Variants in LRRC36 observed in about 807,000 individuals in gnomAD.
LRRC36 encodes the protein leucine rich repeat containing 36.
Under a neutral mutation model 81.1 loss-of-function variants are expected in LRRC36, and 62 were observed. The observed-to-expected ratio is 0.76, with a 90% CI of 0.62 to 0.94. The LOEUF is 0.94. Ranked by LOEUF, LRRC36 falls within the 40% of genes least tolerant of loss-of-function variation. The pLI, the probability that LRRC36 is intolerant of heterozygous loss-of-function variation, is 0.00. For synonymous variants in LRRC36, 334 were observed against 348.6 expected, an observed-to-expected ratio of 0.96 and a Z score of 0.47; for missense variants, 761 against 881.7, an observed-to-expected ratio of 0.86 and a Z score of 1.73.
At position 67,365,848 on chromosome 16, in the gene LRRC36, A is replaced by G. The variant is rs117475349; in HGVS notation, c.754+493A>G. Among the ~76,000 whole-genome samples, 459 of 152,284 alleles carry G rather than the reference A, an allele frequency of 3.0e-3. 25 individuals are homozygous for G. In the East Asian group the frequency reaches 0.074, roughly 25 times the overall value. On this transcript the variant is annotated intron_variant, in intron 7 of 13. Transcript: ENST00000329956. ...TTGTTATTATGAATTTTAATTCTCT[A>G]TATTTTTAAAGACTTCACAAGATAT...
At chr16:67,345,488 C>A (rs2038300698) in intron 2 of LRRC36, among the ~76,000 whole-genome samples, 1 of 151,960 alleles carries the variant, frequency 6.6e-6, no homozygotes, top group African/African-American at 2.4e-5. Context: ...GTTTGCCAGG[C>A]CTGATTGTAC....
At chr16:67,348,624 A>G (rs1002056196) in intron 4 of LRRC36, 2 of 152,082 alleles carry the variant, frequency 1.3e-5, no homozygotes, top group African/African-American at 2.4e-5. Flanking sequence ...TGCCTAGCTC[A>G]CCATTTTTAA....
At chr16:67,347,430 A>T in intron 3 of LRRC36, 65 bp from the exon 4 acceptor site, 2 of 1,600,436 alleles carry the variant, frequency 1.2e-6, no homozygotes, top group Non-Finnish European at 1.7e-6. Flanking sequence ...TGGTTTTCTG[A>T]TTAACTACTA....
At chr16:67,341,050 ACTCTACATATT>A (rs2038039204) in intron 1 of LRRC36, among the ~76,000 whole-genome samples, 2 of 120,850 alleles carry the variant, frequency 1.7e-5, no homozygotes, top group African/African-American at 6.9e-5. Flanking sequence ...TAGAATATGT[ACTCTACATATT>A]CTATAGAATA....
intron 12 of LRRC36, 74 bp downstream of exon 12, chr16:67,378,786 C>T (rs1170908415): frequency 9.8e-6 from 15 of 1,527,532 alleles, no homozygotes; most frequent in Non-Finnish European, 1.3e-5. Context: ...CATTTAGTAA[C>T]CTTCATCATG....
In LRRC36 at chr16:67,334,805, A is replaced by T. The variant is rs145392561; in HGVS notation, c.71-7152A>T. 1.4e-3 allele frequency among the ~76,000 whole-genome samples: 214 copies of T among 152,142 alleles called. 1 individual carries two copies. The highest frequency in any genetic ancestry group is 5.1e-3 in the African/African-American group (210 of 41,504). On this transcript the variant is annotated intron_variant, in intron 1 of 13. Coordinates refer to ENST00000329956, the MANE Select transcript of LRRC36 (RefSeq NM_018296.6). Reference sequence around the variant, plus strand: ...GTCGGCCGGCCTGAGAAATAAAGGGACAGAGTACAAAAGAGAGAAATTTTA... The same window carrying T: ...GTCGGCCGGCCTGAGAAATAAAGGGTCAGAGTACAAAAGAGAGAAATTTTA...
At chr16:67,344,110 C>T (rs2038231703) in intron 2 of LRRC36, among the ~76,000 whole-genome samples, 1 of 152,100 alleles carries the variant, frequency 6.6e-6, no homozygotes, top group Non-Finnish European at 1.5e-5. Context: ...AGCCACCATG[C>T]CCAGCCACAT....
intron 5 of LRRC36, among the ~76,000 whole-genome samples, chr16:67,354,993 A>G (rs893069389): frequency 2.6e-5 from 4 of 152,178 alleles, no homozygotes; most frequent in African/African-American, 9.7e-5. Context: ...AGAATGTCAT[A>G]TAGTTGGAAT....
chr16:67,348,505 G>C (rs1366327179), intron 4 of LRRC36: 1 of 151,678 alleles, frequency 6.6e-6, no homozygotes, highest in Non-Finnish European at 1.5e-5. Flanking sequence ...TGTCACCCAG[G>C]CTGGAGTGCA....
At chr16:67,384,131 C>T (rs187607617) in intron 13 of LRRC36, among the ~76,000 whole-genome samples, 3 of 152,098 alleles carry the variant, frequency 2.0e-5, no homozygotes, top group East Asian at 1.9e-4. Flanking sequence ...GTGTGGATGG[C>T]TTTTAACATT....
In LRRC36 at chr16:67,375,422, T is replaced by C; in HGVS notation, c.1660+10T>C. On this transcript the variant is annotated intron_variant, in intron 10 of 13. Transcript: ENST00000329956. Reference sequence around the variant, plus strand: ...AACAAGAAGTTTCTCGGTGAGTGAATGCATTCTCTGTCCTTGGACAGGAGT... The same window carrying C: ...AACAAGAAGTTTCTCGGTGAGTGAACGCATTCTCTGTCCTTGGACAGGAGT... 6.4e-7 allele frequency: 1 copy of C among 1,569,456 alleles called. No individual in the cohort carries two copies. Among genetic ancestry groups the C allele is most frequent in the Non-Finnish European group, 8.6e-7 (1 of 1,165,836 alleles).
chr16:67,340,179 T>C (rs973209531), intron 1 of LRRC36, among the ~76,000 whole-genome samples: 3 of 152,114 alleles, frequency 2.0e-5, no homozygotes, highest in Non-Finnish European at 4.4e-5. Flanking sequence ...ATAAAGTTTA[T>C]GGGACCCAGA....
chr16:67,356,063 A>G (rs577966061), intron 5 of LRRC36, among the ~76,000 whole-genome samples: 3 of 152,334 alleles, frequency 2.0e-5, no homozygotes, highest in African/African-American at 7.2e-5. Flanking sequence ...ATGTCTTACT[A>G]AGAACAATTT....
At chr16:67,345,114 C>A (rs889766502) in intron 2 of LRRC36, among the ~76,000 whole-genome samples, 12 of 151,722 alleles carry the variant, frequency 7.9e-5, no homozygotes, top group Non-Finnish European at 1.3e-4. Flanking sequence ...GAGTTCAAGA[C>A]CAGCCTGGGC....
intron 5 of LRRC36, among the ~76,000 whole-genome samples, chr16:67,361,988 T>C (rs1405756148): frequency 6.6e-6 from 1 of 152,030 alleles, no homozygotes. Context: ...CCCAACACTT[T>C]AGGAAGCCAA....
intron 5 of LRRC36, among the ~76,000 whole-genome samples, chr16:67,354,382 A>C (rs1045270846): frequency 2.0e-5 from 3 of 152,106 alleles, no homozygotes; most frequent in Non-Finnish European, 4.4e-5. Context: ...GGTTCAAGTG[A>C]TTCTCATGTC....
At position 67,384,941 on chromosome 16, in the gene LRRC36, C is replaced by T. The variant is rs752437865; in HGVS notation, c.2117C>T (p.Ala706Val). The T allele has an allele frequency of 2.7e-5, 43 of 1,614,072 alleles. No individual in the cohort carries two copies. Among genetic ancestry groups the T allele is most frequent in the South Asian group, 2.1e-4 (19 of 91,088 alleles). Residue 706 changes from alanine (A) to valine (V), a missense_variant, in exon 14 of 14, where the codon GCG becomes GTG. Physicochemically the swap from Ala to Val is moderately conservative, Grantham distance 64. Transcript: ENST00000329956. ...NKEPKGYSGK[A>V]LLPPEKGHHL... ...GAGCCAAAAGGTTATTCCGGGAAAG[C>T]GCTCCTGCCTCCTGAGAAGGGTCAT... is the stretch of plus-strand genomic sequence containing the variant.
In LRRC36 at chr16:67,375,322, C is replaced by G. The variant is rs763738819; in HGVS notation, c.1570C>G (p.His524Asp). The change falls in exon 10 of 14, where the codon CAT becomes GAT. Residue 524 changes from histidine (H) to aspartate (D), a missense_variant. Around this residue, in one of 3 missense-constraint regions of LRRC36, gnomAD observed 359 missense variants for 388.4 expected, o/e 0.92. Coordinates refer to ENST00000329956, the MANE Select transcript of LRRC36 (RefSeq NM_018296.6). ...TCCCCCCATCTCTGCCAGAACCCCC[C>G]ATGTGGCCACTGTCCTCAGACAGCT... ...HSPPISARTP[H>D]VATVLRQLLE... The G allele has an allele frequency of 3.1e-6, 5 of 1,612,562 alleles. No homozygotes were observed. Among genetic ancestry groups the G allele is most frequent in the African/African-American group, 2.7e-5 (2 of 74,528 alleles).
rs2040003029 is a variant in LRRC36, at chr16:67,378,690, T to A, written c.1908T>A (p.Ser636Arg). The change falls in exon 12 of 14, where the codon AGT becomes AGA. Residue 636 changes from serine (S) to arginine (R), a missense_variant. Physicochemically the swap from Ser to Arg is moderately radical, Grantham distance 110 (BLOSUM62 -1). Around this residue, in one of 3 missense-constraint regions of LRRC36, gnomAD observed 359 missense variants for 388.4 expected, o/e 0.92. Coordinates refer to ENST00000329956, the MANE Select transcript of LRRC36 (RefSeq NM_018296.6). ...LEEGAAISIV[S>R]GQQSHTYDDL... is the part of the protein sequence containing the mutation. ...AAGGTGCTGCCATCTCAATTGTGAG[T>A]GGGCAACAGTCACATACTTATGGTA... is the stretch of plus-strand genomic sequence containing the variant. 1.2e-6 allele frequency: 2 copies of A among 1,614,026 alleles called. No homozygotes were observed. The highest frequency in any genetic ancestry group is 2.7e-5 in the African/African-American group (2 of 75,018).
Sources: gnomAD v4.1 joint callset for allele counts (sites outside exome capture counted in the v4.1 genomes callset) on GRCh38, gnomAD v4.1.1 for gene constraint, gnomAD v4.1.1 regional missense constraint, MANE v1.5 for transcripts, NCBI Gene and HGNC (gene_info 2026-07-23, HGNC 2026-07-21) for gene names.